ZMAT3: variants seen among roughly 807,000 people sequenced by gnomAD.
The protein encoded by ZMAT3 is zinc finger matrin-type protein 3.
ZMAT3 carries 17 observed loss-of-function variants against 32.3 expected under a neutral mutation model. That is an observed-to-expected ratio of 0.53 (90% CI 0.36 to 0.79). The LOEUF is 0.79. ZMAT3 is among the 30% of genes least tolerant of loss of function. The probability of loss-of-function intolerance (pLI) is 0.00; values close to 1 mark genes in which losing one functional copy is unlikely to be tolerated. For synonymous variants in ZMAT3, 120 were observed against 133.1 expected, an observed-to-expected ratio of 0.90 and a Z score of 0.68; for missense variants, 329 against 359.7, an observed-to-expected ratio of 0.91 and a Z score of 0.69.
At chr3:179,066,777 T>C (rs1560100431) in intron 2 of ZMAT3, among the ~76,000 whole-genome samples, 2 of 152,250 alleles carry the variant, frequency 1.3e-5, no homozygotes, top group Non-Finnish European at 2.9e-5. Context: ...CATTTGTTCT[T>C]AGGTAATATT....
At chr3:179,039,512 C>T (rs1719798282) in intron 2 of ZMAT3, among the ~76,000 whole-genome samples, 1 of 152,200 alleles carries the variant, frequency 6.6e-6, no homozygotes, top group South Asian at 2.1e-4. Flanking sequence ...GGAAAACTAA[C>T]AAACAGAAAG....
In ZMAT3 at chr3:179,025,007, A is replaced by G. The variant is rs1340831815; in HGVS notation, c.*10T>C. Reference sequence around the variant, plus strand: ...GCAGGAAAAGCTGCTCTATCTTAATATGATAATCACTATACATATCCCAGA... The same window carrying G: ...GCAGGAAAAGCTGCTCTATCTTAATGTGATAATCACTATACATATCCCAGA... On this transcript the variant is annotated 3_prime_UTR_variant, in exon 6 of 6. Transcript: ENST00000311417. 6.2e-7 allele frequency: 1 copy of G among 1,613,846 alleles called. No individual in the cohort carries two copies.
chr3:179,050,496 A>AG (rs1286841218), intron 2 of ZMAT3, among the ~76,000 whole-genome samples: 6 of 152,200 alleles, frequency 3.9e-5, no homozygotes, highest in Non-Finnish European at 8.8e-5. Context: ...CAAAAAAAAA[A>AG]GTCCAAGACC....
intron 5 of ZMAT3, 70 bp from the exon 6 acceptor site, chr3:179,025,298 C>T: frequency 8.0e-7 from 1 of 1,243,330 alleles, no homozygotes; most frequent in Non-Finnish European, 1.1e-6. Context: ...CCAATTATCA[C>T]TGTAATTTGT....
chr3:179,038,327 T>A (rs1384151785), intron 2 of ZMAT3, among the ~76,000 whole-genome samples: 1 of 152,154 alleles, frequency 6.6e-6, no homozygotes, highest in African/African-American at 2.4e-5. Flanking sequence ...ATGCCTATAA[T>A]CCCAGCACTT....
intron 2 of ZMAT3, among the ~76,000 whole-genome samples, chr3:179,057,387 T>C (rs1018574077): frequency 6.6e-6 from 1 of 152,224 alleles, no homozygotes; most frequent in Non-Finnish European, 1.5e-5. Flanking sequence ...CTGTCAATTC[T>C]TGTTTGCTTT....
intron 2 of ZMAT3, among the ~76,000 whole-genome samples, chr3:179,032,129 AGTGCCTGCGATTGCAGGT>A (rs1188211999): frequency 2.7e-5 from 4 of 148,708 alleles, no homozygotes; most frequent in Non-Finnish European, 4.5e-5. Context: ...CAGCCTGCCG[AGTGCCTGCGATTGCAGGT>A]GTGCGCCGCC....
chr3:179,047,155 G>C (rs933370039), intron 2 of ZMAT3, among the ~76,000 whole-genome samples: 1 of 152,208 alleles, frequency 6.6e-6, no homozygotes, highest in African/African-American at 2.4e-5. Flanking sequence ...ACAGCTGACA[G>C]ACATGAAGAT....
chr3:179,045,751 C>T (rs1304892979), intron 2 of ZMAT3, among the ~76,000 whole-genome samples: 1 of 152,116 alleles, frequency 6.6e-6, no homozygotes, highest in Admixed American at 6.5e-5. Context: ...ATTTTTACTC[C>T]TTAAGCTAGA....
Position 179,035,347 on chromosome 3 carries a change from AC to A in ZMAT3, c.271-4349del, listed in dbSNP as rs573986538. 7.5e-3 allele frequency among the ~76,000 whole-genome samples: 1,148 copies of A among 152,170 alleles called. 7 individuals carry two copies. Among genetic ancestry groups the A allele is most frequent in the Non-Finnish European group, 0.011 (721 of 68,018 alleles). On this transcript the variant is annotated intron_variant, in intron 2 of 5. Transcript: ENST00000311417. ...TCACTAGGCTGCATGTGCTCCTTAA[AC>A]ATGCCAAGCTCAGGCTAGCTCCAAG...
intron 2 of ZMAT3, among the ~76,000 whole-genome samples, chr3:179,059,722 C>T (rs1721053397): frequency 6.6e-6 from 1 of 152,186 alleles, no homozygotes; most frequent in Non-Finnish European, 1.5e-5. Context: ...CAGAGGAAAT[C>T]TCAACTGCAC....
intron 2 of ZMAT3, among the ~76,000 whole-genome samples, chr3:179,034,067 C>T (rs1719447804): frequency 6.6e-6 from 1 of 152,160 alleles, no homozygotes; most frequent in African/African-American, 2.4e-5. Flanking sequence ...TGGCAAGGGT[C>T]AATAGTACAA....
In ZMAT3 at chr3:179,027,843, T is replaced by A. The variant is rs1330836580; in HGVS notation, c.391-31A>T. ...ATCAAAGACACAAGAAGAAACAAAG[T>A]TAAAAAAAATACAGAGTTTCCTCCT... On this transcript the variant is annotated intron_variant, in intron 3 of 5. Coordinates refer to ENST00000311417, the MANE Select transcript of ZMAT3 (RefSeq NM_022470.4). The A allele has an allele frequency of 5.7e-6, 9 of 1,572,094 alleles. No individual in the cohort carries two copies. The Admixed American group carries it at 1.2e-4, about 21-fold the overall frequency.
Position 179,030,197 on chromosome 3 carries a change from AG to A in ZMAT3, c.390+682del, listed in dbSNP as rs545661890. ...ATGTTTACACAGGCTCTCTGAATAGAGGTAAGTAATAAGCAATCTCAAACAC... is the reference window on the plus strand; with the variant it reads ...ATGTTTACACAGGCTCTCTGAATAGAGTAAGTAATAAGCAATCTCAAACAC... On this transcript the variant is annotated intron_variant, in intron 3 of 5. Coordinates refer to ENST00000311417, the MANE Select transcript of ZMAT3 (RefSeq NM_022470.4). Among the ~76,000 whole-genome samples, 238 of 152,294 alleles carry A rather than the reference AG, an allele frequency of 1.6e-3. 3 individuals carry two copies. The highest frequency in any genetic ancestry group is 5.5e-3 in the African/African-American group (228 of 41,550).
chr3:179,050,843 C>T (rs1720517149), intron 2 of ZMAT3, among the ~76,000 whole-genome samples: 1 of 152,136 alleles, frequency 6.6e-6, no homozygotes, highest in African/African-American at 2.4e-5. Context: ...ATCCTCAAGT[C>T]AATAAATGTG....
In ZMAT3 at chr3:179,046,082, T is replaced by C. The variant is rs1720220386; in HGVS notation, c.271-15083A>G. ...TCCGGCATGCAGCTAGACAGAGAAATGGGATCATTTCCCTTTGAAATATGG... is the reference window on the plus strand; with the variant it reads ...TCCGGCATGCAGCTAGACAGAGAAACGGGATCATTTCCCTTTGAAATATGG... On this transcript the variant is annotated intron_variant, in intron 2 of 5. Coordinates refer to ENST00000311417, the MANE Select transcript of ZMAT3 (RefSeq NM_022470.4). This position sits in a 1 kb window ranked among gnomAD's most constrained non-coding sequence, Gnocchi z 4.3. Among the ~76,000 whole-genome samples the C allele has an allele frequency of 6.6e-6, 1 of 152,060 alleles. No individual in the cohort carries two copies. Among genetic ancestry groups the C allele is most frequent in the Admixed American group, 6.6e-5 (1 of 15,266 alleles).
At position 179,046,524 on chromosome 3, in the gene ZMAT3, G is replaced by A. The variant is rs984761078; in HGVS notation, c.271-15525C>T. Among the ~76,000 whole-genome samples the A allele has an allele frequency of 4.3e-4, 65 of 152,152 alleles. No homozygotes were observed. The highest frequency in any genetic ancestry group is 2.1e-4 in the South Asian group (1 of 4,822). On this transcript the variant is annotated intron_variant, in intron 2 of 5. Transcript: ENST00000311417. The surrounding 1 kb of genome is among the most constrained non-coding windows in gnomAD (Gnocchi z 4.3). ...TATTCACAGGCCCTTTGAAGGAGGC[G>A]GATTGCCACTGCAGACTCCGTGGGA...
Position 179,027,415 on chromosome 3 carries a change from C to T in ZMAT3, c.658+8G>A. On this transcript the variant is annotated splice_region_variant and intron_variant, in intron 5 of 5. Coordinates refer to ENST00000311417, the MANE Select transcript of ZMAT3 (RefSeq NM_022470.4). ...TGTACCCAAGGTATGTGGAAACAGA[C>T]AAGATACCTGAATTATTCTGTACTG... The T allele has an allele frequency of 6.2e-7, 1 of 1,612,022 alleles. No homozygotes were observed. The highest frequency in any genetic ancestry group is 8.5e-7 in the Non-Finnish European group (1 of 1,178,302).
intron 2 of ZMAT3, among the ~76,000 whole-genome samples, chr3:179,063,142 C>T (rs574196904): frequency 1.3e-5 from 2 of 152,286 alleles, no homozygotes; most frequent in African/African-American, 4.8e-5. Flanking sequence ...GTGTAAAGCA[C>T]ATGCATTAAA....
Sources: gnomAD v4.1 joint callset for allele counts (sites outside exome capture counted in the v4.1 genomes callset) on GRCh38, gnomAD v4.1.1 for gene constraint, Gnocchi (gnomAD v3.1) non-coding constraint, MANE v1.5 for transcripts, NCBI Gene and HGNC (gene_info 2026-07-23, HGNC 2026-07-21) for gene names.